Variants in FGF1 observed in about 807,000 individuals in gnomAD.
The protein encoded by FGF1 is beta-endothelial cell growth factor.
FGF1 carries 9 observed loss-of-function variants against 13.4 expected under a neutral mutation model. That is an observed-to-expected ratio of 0.67 (90% confidence interval 0.40 to 1.17). The LOEUF is 1.17. Among genes scored for constraint, FGF1 ranks in the 50% most tolerant of loss-of-function variants. The pLI, the probability that FGF1 is intolerant of heterozygous loss-of-function variation, is 0.01. For missense variants in FGF1, 156 were observed against 192.7 expected (o/e 0.81, Z 1.13); for synonymous variants, 93 against 79.0 (o/e 1.18, Z -0.94).
At chr5:142,664,656 G>C (rs1299414976) in intron 1 of FGF1, among the ~76,000 whole-genome samples, 1 of 152,184 alleles carries the variant, frequency 6.6e-6, no homozygotes, top group African/African-American at 2.4e-5. Context: ...CCAGTAAGTG[G>C]CAGTGGGGTG....
At chr5:142,670,186 G>A (rs1373011059) in intron 1 of FGF1, among the ~76,000 whole-genome samples, 1 of 152,098 alleles carries the variant, frequency 6.6e-6, no homozygotes, top group Non-Finnish European at 1.5e-5. Context: ...TCCCAGCTAG[G>A]AAGGCCAAAG....
At chr5:142,692,418 C>T (rs1752367458) in intron 2 of FGF1, among the ~76,000 whole-genome samples, 2 of 152,168 alleles carry the variant, frequency 1.3e-5, no homozygotes, top group African/African-American at 4.8e-5. Flanking sequence ...TTTGCCTCAG[C>T]AGAACATCAA....
At chr5:142,608,005 A>G (rs953604587) in intron 2 of FGF1, among the ~76,000 whole-genome samples, 1 of 152,210 alleles carries the variant, frequency 6.6e-6, no homozygotes, top group African/African-American at 2.4e-5. Flanking sequence ...CAGTAAGAAT[A>G]GCAATCCCTT....
chr5:142,616,458 A>G (rs1760264686), intron 1 of FGF1, among the ~76,000 whole-genome samples: 1 of 152,222 alleles, frequency 6.6e-6, no homozygotes, highest in East Asian at 1.9e-4. Flanking sequence ...ATAATACAGC[A>G]ACAGACAGAA....
At position 142,604,621 on chromosome 5, in the gene FGF1, G is replaced by A. The variant is rs557673758; in HGVS notation, c.170-3816C>T. Among the ~76,000 whole-genome samples the A allele has an allele frequency of 2.3e-4, 35 of 152,316 alleles. No individual in the cohort carries two copies. In the South Asian group the frequency reaches 4.1e-3, roughly 18 times the overall value. ...AATGCATGGAAAGTGGCCAGTACTC[G>A]TATGACTGTTTCCTCTGTGCTTTTG... On this transcript the variant is annotated intron_variant, in intron 2 of 3. Transcript: ENST00000337706.
chr5:142,595,266 G>A lies in FGF1; in HGVS notation c.*24C>T. The A allele has an allele frequency of 1.2e-6, 2 of 1,604,062 alleles. No individual in the cohort carries two copies. Among genetic ancestry groups the A allele is most frequent in the Admixed American group, 1.7e-5 (1 of 58,968 alleles). On this transcript the variant is annotated 3_prime_UTR_variant, in exon 4 of 4. Coordinates refer to ENST00000337706, the MANE Select transcript of FGF1 (RefSeq NM_000800.5). ...GGACCCCTCGAAACTTCTCTGGAGT[G>A]GTCAACACCCAGAACAGATCTCTTT...
chr5:142,672,369 T>A (rs1182682190), intron 1 of FGF1, among the ~76,000 whole-genome samples: 2 of 152,104 alleles, frequency 1.3e-5, no homozygotes, highest in African/African-American at 4.8e-5. Context: ...ATGTTGAGCA[T>A]CCACTCCACC....
chr5:142,622,263 T>G (rs901570780), intron 1 of FGF1, among the ~76,000 whole-genome samples: 2 of 152,246 alleles, frequency 1.3e-5, no homozygotes, highest in African/African-American at 4.8e-5. Context: ...AACTATGCCT[T>G]TTCTTTCTGT....
intron 1 of FGF1, among the ~76,000 whole-genome samples, chr5:142,679,145 A>C (rs1773218729): frequency 6.6e-6 from 1 of 152,070 alleles, no homozygotes; most frequent in Non-Finnish European, 1.5e-5. Context: ...TAAGGAACTA[A>C]ATCCTCAGTA....
chr5:142,655,315 C>A (rs1292893662), intron 1 of FGF1, among the ~76,000 whole-genome samples: 1 of 152,184 alleles, frequency 6.6e-6, no homozygotes, highest in Non-Finnish European at 1.5e-5. Context: ...CGGCCCTTCC[C>A]TCATCTCGTC....
chr5:142,691,448 AATAAAATAAAATAAAATAAAATAAAAT>A (rs1752213763), intron 2 of FGF1, among the ~76,000 whole-genome samples: 2 of 108,794 alleles, frequency 1.8e-5, no homozygotes. Context: ...AATAAAATAA[AATAAAATAAAATAAAATAAAATAAAAT>A]AAAATAAATA....
chr5:142,672,500 GTTT>G (rs34954693), intron 1 of FGF1, among the ~76,000 whole-genome samples: 8,194 of 123,060 alleles, frequency 0.067, 220 homozygotes, highest in Middle Eastern at 0.16. Context: ...TTTCTGTACA[GTTT>G]TTTTTTTTTT....
rs1561776270 is a variant in FGF1 at position 142,692,685 on chromosome 5, G to GCACACACACACACACACGCACACACGCA, written c.-35+4936_-35+4937insTGCGTGTGTGCGTGTGTGTGTGTGTGTG. On this transcript the variant is annotated intron_variant, in intron 2 of 4. Transcript: ENST00000407758. ...GACACACACACACACACGCACACAC[G>GCACACACACACACACACGCACACACGCA]CACACACACACACACACGCACAGAC... Among the ~76,000 whole-genome samples the GCACACACACACACACACGCACACACGCA allele has an allele frequency of 3.5e-4, 51 of 145,238 alleles. No individual in the cohort carries two copies. The East Asian group carries it at 6.1e-3, about 18-fold the overall frequency.
At chr5:142,618,316 G>C (rs765293913) in intron 1 of FGF1, among the ~76,000 whole-genome samples, 5 of 152,162 alleles carry the variant, frequency 3.3e-5, no homozygotes, top group African/African-American at 7.2e-5. Flanking sequence ...TCTGACACAT[G>C]AACAGGATGT....
At chr5:142,697,375 G>A (rs1013735229) in intron 2 of FGF1, among the ~76,000 whole-genome samples, 5 of 152,136 alleles carry the variant, frequency 3.3e-5, no homozygotes, top group Non-Finnish European at 5.9e-5. Context: ...ACCATTTCCT[G>A]CTTCCCCACT....
intron 1 of FGF1, among the ~76,000 whole-genome samples, chr5:142,616,480 TACC>T (rs1193007787): frequency 1.3e-5 from 2 of 152,222 alleles, no homozygotes; most frequent in East Asian, 3.8e-4. Flanking sequence ...ATAAATATAA[TACC>T]ACATATATGT....
intron 1 of FGF1, among the ~76,000 whole-genome samples, chr5:142,621,077 C>T (rs1412262708): frequency 2.0e-5 from 3 of 152,180 alleles, no homozygotes; most frequent in Admixed American, 2.0e-4. Context: ...GCACTGCCTT[C>T]TTTCAATCCA....
intron 1 of FGF1, among the ~76,000 whole-genome samples, chr5:142,615,541 G>C (rs1327313761): frequency 6.6e-6 from 1 of 152,100 alleles, no homozygotes; most frequent in Non-Finnish European, 1.5e-5. Flanking sequence ...TACTTTGTAA[G>C]TGTGAGTAGT....
chr5:142,680,444 T>C (rs187135133), intron 1 of FGF1, among the ~76,000 whole-genome samples: 3 of 152,280 alleles, frequency 2.0e-5, no homozygotes, highest in African/African-American at 4.8e-5. Context: ...ACTACTCTCA[T>C]TGAATGGCCT....
Sources: gnomAD v4.1 joint callset for allele counts (sites outside exome capture counted in the v4.1 genomes callset) on GRCh38, gnomAD v4.1.1 for gene constraint, MANE v1.5 for transcripts, NCBI Gene and HGNC (gene_info 2026-07-23, HGNC 2026-07-21) for gene names.